The following SRRM5 variants were observed in gnomAD, a reference collection of about 807,000 sequenced individuals.
SRRM5 encodes serine/arginine repetitive matrix 5.
A neutral mutation model predicts 1.3 loss-of-function variants in SRRM5; 1 was observed. The observed-to-expected ratio is 0.76, with a 90% confidence interval of 0.27 to 3.59. The LOEUF (loss-of-function observed/expected upper bound fraction) is 3.59. Ranked by LOEUF, SRRM5 falls within the 30% of genes most tolerant of loss-of-function variation. The pLI, the probability that SRRM5 is intolerant of heterozygous loss-of-function variation, is 0.19. For synonymous variants in SRRM5, 275 were observed against 320.2 expected (o/e 0.86, Z 1.51); for missense variants, 875 against 914.5 (o/e 0.96, Z 0.56).
In SRRM5 at chr19:43,613,397, A is replaced by G; in HGVS notation, c.1276A>G (p.Ser426Gly). Residue 426 changes from serine (S) to glycine (G), a missense_variant, in exon 1 of 1, where the codon AGC (serine) becomes GGC (glycine). Coordinates refer to ENST00000417606, the MANE Select transcript of SRRM5 (RefSeq NM_001145641.2). Reference protein sequence around the residue: ...SRSPYKARDRSRSRSPNKARD... With the variant: ...SRSPYKARDRGRSRSPNKARD... ...AAGTCCCTACAAGGCGAGAGATCGC[A>G]GCCGATCTAGAAGTCCCAACAAGGC... The G allele has an allele frequency of 6.5e-7, 1 of 1,530,840 alleles. No individual in the cohort carries two copies. The highest frequency in any genetic ancestry group is 8.8e-7 in the Non-Finnish European group (1 of 1,132,418). The allele number at this position is 1,530,840 out of a possible 1,614,324, so 94.8% of individuals were successfully genotyped here. A position where few individuals can be genotyped will look rare whatever the true frequency, so the allele number is the denominator to read the frequency against.
chr19:43,613,884 G>T lies in SRRM5; in HGVS notation c.1763G>T (p.Ser588Ile). Residue 588 changes from serine (S) to isoleucine (I), a missense_variant, in exon 1 of 1, where the codon AGC (serine) becomes ATC (isoleucine). By Grantham distance (142) the Ser-to-Ile change is moderately radical. Coordinates refer to ENST00000417606, the MANE Select transcript of SRRM5 (RefSeq NM_001145641.2). Reference sequence around the variant, plus strand: ...GAGCGCAGACAATCTAGAAGCTCCAGCGAGGAGAGAGATCACAGCCGATCT... The same window carrying T: ...GAGCGCAGACAATCTAGAAGCTCCATCGAGGAGAGAGATCACAGCCGATCT... ...ERERRQSRSS[S>I]EERDHSRSRS... The T allele has an allele frequency of 1.3e-6, 2 of 1,551,382 alleles. No individual in the cohort carries two copies. Among genetic ancestry groups the T allele is most frequent in the Non-Finnish European group, 1.7e-6 (2 of 1,146,898 alleles).
Position 43,613,705 on chromosome 19 carries a change from C to G in SRRM5, c.1584C>G (p.Ser528Arg), listed in dbSNP as rs1249123894. Residue 528 changes from serine (S) to arginine (R), a missense_variant, in exon 1 of 1, where the codon AGC (serine) becomes AGG (arginine). Coordinates refer to ENST00000417606, the MANE Select transcript of SRRM5 (RefSeq NM_001145641.2). ...ERDHRRSRSPSKERQRRQSRS... is the reference protein window; with the variant it reads ...ERDHRRSRSPRKERQRRQSRS... ...ATCACAGACGATCTAGAAGCCCCAG[C>G]AAGGAGAGACAGCGCAGACAATCTA... 6.4e-7 allele frequency: 1 copy of G among 1,551,322 alleles called. No homozygotes were observed. Among genetic ancestry groups the G allele is most frequent in the Non-Finnish European group, 8.7e-7 (1 of 1,146,896 alleles).
Position 43,613,714 on chromosome 19 carries a change from A to T in SRRM5, c.1593A>T (p.Arg531Ser). ...GATCTAGAAGCCCCAGCAAGGAGAG[A>T]CAGCGCAGACAATCTAGAAGCCCCA... The part of the protein sequence containing the change: ...HRRSRSPSKE[R>S]QRRQSRSPNK... The change falls in exon 1 of 1, where the codon AGA becomes AGT. Residue 531 changes from arginine (R) to serine (S), a missense_variant. Transcript: ENST00000417606. 6.4e-7 allele frequency: 1 copy of T among 1,551,480 alleles called. No homozygotes were observed.
rs1309705645 is a variant in SRRM5 at position 43,612,322 on chromosome 19, G to A, written c.201G>A (p.Ser67=). 1.1e-5 allele frequency: 17 copies of A among 1,551,386 alleles called. No homozygotes were observed. The highest frequency in any genetic ancestry group is 1.7e-4 in the Middle Eastern group (1 of 6,014). The part of the protein sequence containing the change: ...MSPSSSKSTK[S]TSTKRAPSNR... ...CAAGCAGTTCCAAGTCCACCAAATC[G>A]ACCAGTACAAAAAGAGCCCCTTCTA... The change falls in exon 1 of 1, where the codon TCG becomes TCA. Residue 67 remains serine (S), a synonymous_variant. Coordinates refer to ENST00000417606, the MANE Select transcript of SRRM5 (RefSeq NM_001145641.2). The surrounding 1 kb of genome is among the most constrained non-coding windows in gnomAD (Gnocchi z 4.2).
Position 43,613,599 on chromosome 19 carries a change from A to T in SRRM5, c.1478A>T (p.Lys493Ile), listed in dbSNP as rs764751051. The change falls in exon 1 of 1, where the codon AAA becomes ATA. Residue 493 changes from lysine (K) to isoleucine (I), a missense_variant. By Grantham distance (102) the Lys-to-Ile change is moderately radical (BLOSUM62 -3). Transcript: ENST00000417606. ...RDHSQLGSPSKERDHRRSRSP... is the reference protein window; with the variant it reads ...RDHSQLGSPSIERDHRRSRSP... ...CACAGCCAACTTGGAAGCCCCAGCA[A>T]AGAGAGAGATCACAGACGATCTAGA... 6.5e-7 allele frequency: 1 copy of T among 1,550,316 alleles called. No homozygotes were observed. Among genetic ancestry groups the T allele is most frequent in the South Asian group, 1.2e-5 (1 of 83,922 alleles).
rs1973347287 is a variant in SRRM5, at chr19:43,614,175, C to A, written c.2054C>A (p.Thr685Asn). Residue 685 changes from threonine to asparagine, a missense_variant, in exon 1 of 1, where the codon ACC (threonine) becomes AAC (asparagine). Thr to Asn is a moderately conservative substitution (Grantham distance 65). Transcript: ENST00000417606. ...SPSTFPSGGQ[T>N]LSQDDSQADA... is the part of the protein sequence containing the mutation. The stretch of plus-strand genomic sequence containing the variant: ...TCAACATTTCCCAGTGGGGGCCAAA[C>A]CCTAAGCCAGGATGACAGTCAAGCC... The A allele has an allele frequency of 6.2e-7, 1 of 1,614,176 alleles. No homozygotes were observed. Among genetic ancestry groups the A allele is most frequent in the Non-Finnish European group, 8.5e-7 (1 of 1,180,014 alleles).
rs532462200 is a variant in SRRM5, at chr19:43,612,882, A to G, written c.761A>G (p.Glu254Gly). 17 of 1,551,702 alleles carry G rather than the reference A, an allele frequency of 1.1e-5. No individual in the cohort carries two copies. The East Asian group carries it at 1.7e-4, about 16-fold the overall frequency. Reference protein sequence around the residue: ...SYGQMIIPSREKSYSPTEMSS... With the variant: ...SYGQMIIPSRGKSYSPTEMSS... ...GGTCAGATGATCATCCCCAGTAGGG[A>G]AAAGAGTTACAGCCCCACTGAAATG... Residue 254 changes from glutamate to glycine, a missense_variant, in exon 1 of 1, where the codon GAA (glutamate) becomes GGA (glycine). Glu to Gly is a moderately conservative substitution (Grantham distance 98, BLOSUM62 -2). Coordinates refer to ENST00000417606, the MANE Select transcript of SRRM5 (RefSeq NM_001145641.2). The surrounding 1 kb of genome is among the most constrained non-coding windows in gnomAD (Gnocchi z 4.2).
rs1295809831 is a variant in SRRM5, at chr19:43,613,045, G to A, written c.924G>A (p.Lys308=). The change falls in exon 1 of 1, where the codon AAG becomes AAA. Residue 308 remains lysine (K), a synonymous_variant. Coordinates refer to ENST00000417606, the MANE Select transcript of SRRM5 (RefSeq NM_001145641.2). ...THSRVRSHSW[K]RNHSRARSRT... ...GCAGAGTGAGAAGTCACAGTTGGAA[G>A]AGAAACCATAGCAGGGCAAGAAGTC... 3.2e-6 allele frequency: 5 copies of A among 1,551,490 alleles called. No homozygotes were observed. The East Asian group carries it at 1.2e-4, about 38-fold the overall frequency.
At position 43,614,234 on chromosome 19, in the gene SRRM5, G is replaced by A. The variant is rs768720933; in HGVS notation, c.2113G>A (p.Glu705Lys). ...CACCTCTAAGGCCACCTTACCTGGG[G>A]AAAGGTCTTCATCATCTTCTTCCAA... The part of the protein sequence containing the change: ...ATTSKATLPG[E>K]RSSSSSSKLA The change falls in exon 1 of 1, where the codon GAA (glutamate) becomes AAA (lysine). Residue 705 changes from glutamate to lysine, a missense_variant. By Grantham distance (56) the Glu-to-Lys change is moderately conservative. Coordinates refer to ENST00000417606, the MANE Select transcript of SRRM5 (RefSeq NM_001145641.2). 10 of 1,614,076 alleles carry A rather than the reference G, an allele frequency of 6.2e-6. No individual in the cohort carries two copies. The African/African-American group carries it at 1.3e-4, about 22-fold the overall frequency.
rs751797159 is a variant in SRRM5 at position 43,613,759 on chromosome 19, C to A, written c.1638C>A (p.Ser546Arg). ...SRSPNKERDR[S>R]QSRSPSEERE... Reference sequence around the variant, plus strand: ...GCCCCAACAAGGAGAGAGATCGCAGCCAATCTAGAAGCCCCAGCGAGGAGA... The same window carrying A: ...GCCCCAACAAGGAGAGAGATCGCAGACAATCTAGAAGCCCCAGCGAGGAGA... Residue 546 changes from serine (S) to arginine (R), a missense_variant, in exon 1 of 1, where the codon AGC becomes AGA. By Grantham distance (110) the Ser-to-Arg change is moderately radical. Coordinates refer to ENST00000417606, the MANE Select transcript of SRRM5 (RefSeq NM_001145641.2). 6.5e-7 allele frequency: 1 copy of A among 1,550,376 alleles called. No individual in the cohort carries two copies. Among genetic ancestry groups the A allele is most frequent in the South Asian group, 1.2e-5 (1 of 83,978 alleles).
Position 43,614,112 on chromosome 19 carries a change from A to G in SRRM5, c.1991A>G (p.Gln664Arg), listed in dbSNP as rs752354487. The G allele has an allele frequency of 6.3e-7, 1 of 1,594,558 alleles. No homozygotes were observed. The highest frequency in any genetic ancestry group is 1.8e-5 in the Admixed American group (1 of 55,830). The change falls in exon 1 of 1, where the codon CAG becomes CGG. Residue 664 changes from glutamine to arginine, a missense_variant. Coordinates refer to ENST00000417606, the MANE Select transcript of SRRM5 (RefSeq NM_001145641.2). ...RSPTRTSSLS[Q>R]NRTPSKTSSH... Reference sequence around the variant, plus strand: ...CCTACTAGGACAAGCAGTCTCAGTCAGAATAGAACCCCTAGCAAGACAAGC... The same window carrying G: ...CCTACTAGGACAAGCAGTCTCAGTCGGAATAGAACCCCTAGCAAGACAAGC...
Position 43,613,900 on chromosome 19 carries a change from C to T in SRRM5, c.1779C>T (p.His593=), listed in dbSNP as rs1230902904. 6.4e-7 allele frequency: 1 copy of T among 1,551,668 alleles called. No homozygotes were observed. Among genetic ancestry groups the T allele is most frequent in the African/African-American group, 1.4e-5 (1 of 73,150 alleles). ...GAAGCTCCAGCGAGGAGAGAGATCACAGCCGATCTAGAAGCCCCAATAAGC... is the reference window on the plus strand; with the variant it reads ...GAAGCTCCAGCGAGGAGAGAGATCATAGCCGATCTAGAAGCCCCAATAAGC... ...QSRSSSEERD[H]SRSRSPNKQS... is the part of the protein sequence containing the mutation. Residue 593 remains histidine, a synonymous_variant, in exon 1 of 1, where the codon CAC becomes CAT. Coordinates refer to ENST00000417606, the MANE Select transcript of SRRM5 (RefSeq NM_001145641.2).
chr19:43,614,391 C>T lies in SRRM5; in HGVS notation c.*122C>T. 1 of 1,505,396 alleles carries T rather than the reference C, an allele frequency of 6.6e-7. No individual in the cohort carries two copies. Among genetic ancestry groups the T allele is most frequent in the Non-Finnish European group, 8.8e-7 (1 of 1,132,188 alleles). The allele number at this position is 1,505,396 out of a possible 1,614,324, so 93.3% of individuals were successfully genotyped here. A position where few individuals can be genotyped will look rare whatever the true frequency, so the allele number is the denominator to read the frequency against. On this transcript the variant is annotated 3_prime_UTR_variant, in exon 1 of 1. Coordinates refer to ENST00000417606, the MANE Select transcript of SRRM5 (RefSeq NM_001145641.2). ...CAGCTCTCCACAGCCACACCTCCGGCCACAAGTTCTCTAATACAGGATGTT... is the reference window on the plus strand; with the variant it reads ...CAGCTCTCCACAGCCACACCTCCGGTCACAAGTTCTCTAATACAGGATGTT...
At position 43,613,637 on chromosome 19, in the gene SRRM5, G is replaced by C. The variant is rs1037957980; in HGVS notation, c.1516G>C (p.Glu506Gln). The C allele has an allele frequency of 4.5e-6, 7 of 1,548,762 alleles. No individual in the cohort carries two copies. The East Asian group carries it at 9.8e-5, about 22-fold the overall frequency. The change falls in exon 1 of 1, where the codon GAG becomes CAG. Residue 506 changes from glutamate (E) to glutamine (Q), a missense_variant. Physicochemically the swap from Glu to Gln is conservative, Grantham distance 29 (BLOSUM62 2). Transcript: ENST00000417606. ...DHRRSRSPSK[E>Q]RQCRQSRSSS... is the part of the protein sequence containing the mutation. ...CAGACGATCTAGAAGCCCCAGCAAGGAGAGACAGTGCAGACAATCTAGAAG... is the reference window on the plus strand; with the variant it reads ...CAGACGATCTAGAAGCCCCAGCAAGCAGAGACAGTGCAGACAATCTAGAAG...
Position 43,613,104 on chromosome 19 carries a change from GAC to G in SRRM5, c.987_988del (p.His329GlnfsTer4). The G allele has an allele frequency of 6.4e-7, 1 of 1,551,624 alleles. No homozygotes were observed. The highest frequency in any genetic ancestry group is 8.7e-7 in the Non-Finnish European group (1 of 1,146,992). On this transcript the variant is annotated frameshift_variant, in exon 3 of 3. Transcript: ENST00000607544. LOFTEE classifies it low-confidence loss of function (END_TRUNC). ...AAGGGAATTCTGAGCCAGATGGGAA[GAC>G]ACAGCCAGTCTAGAAGCCACAGCAA...
Position 43,613,544 on chromosome 19 carries a change from C to A in SRRM5, c.1423C>A (p.Arg475=), listed in dbSNP as rs184949308. ...TCCCAACAAGGCGAGAGATCGCAGC[C>A]GATCTAGAAGCCCCAGCAAGGAAAG... is the stretch of plus-strand genomic sequence containing the variant. ...RSPNKARDRS[R]SRSPSKERDH... is the part of the protein sequence containing the mutation. The change falls in exon 1 of 1, where the codon CGA becomes AGA. Residue 475 remains arginine (R), a synonymous_variant. Coordinates refer to ENST00000417606, the MANE Select transcript of SRRM5 (RefSeq NM_001145641.2). 3 of 1,551,138 alleles carry A rather than the reference C, an allele frequency of 1.9e-6. No homozygotes were observed. Among genetic ancestry groups the A allele is most frequent in the Non-Finnish European group, 2.6e-6 (3 of 1,146,888 alleles).
Position 43,612,605 on chromosome 19 carries a change from A to G in SRRM5, c.484A>G (p.Thr162Ala). ...CATGGCCAGCAGGGTGAGAACTCCC[A>G]CTTCACAGCAAAAAGGGAGCCGGGG... is the stretch of plus-strand genomic sequence containing the variant. Reference protein sequence around the residue: ...PGMASRVRTPTSQQKGSRGKS... With the variant: ...PGMASRVRTPASQQKGSRGKS... Residue 162 changes from threonine (T) to alanine (A), a missense_variant, in exon 1 of 1, where the codon ACT (threonine) becomes GCT (alanine). Transcript: ENST00000417606. This position sits in a 1 kb window ranked among gnomAD's most constrained non-coding sequence, Gnocchi z 4.2. The G allele has an allele frequency of 6.4e-7, 1 of 1,551,600 alleles. No individual in the cohort carries two copies. The highest frequency in any genetic ancestry group is 2.0e-5 in the Admixed American group (1 of 51,004).
Position 43,613,975 on chromosome 19 carries a change from C to T in SRRM5, c.1854C>T (p.Ser618=). 2 of 1,551,612 alleles carry T rather than the reference C, an allele frequency of 1.3e-6. No homozygotes were observed. The highest frequency in any genetic ancestry group is 1.7e-6 in the Non-Finnish European group (2 of 1,146,970). The change falls in exon 1 of 1, where the codon AGC becomes AGT. Residue 618 remains serine, a synonymous_variant. Coordinates refer to ENST00000417606, the MANE Select transcript of SRRM5 (RefSeq NM_001145641.2). ...PRASSKEKAH[S]RSRTPSKEGN... ...CCTCCAGCAAGGAGAAAGCTCATAG[C>T]CGATCTAGAACCCCCAGCAAAGAAG...
rs1365285592 is a variant in SRRM5 at position 43,612,755 on chromosome 19, G to A, written c.634G>A (p.Val212Ile). Residue 212 changes from valine to isoleucine, a missense_variant, in exon 1 of 1, where the codon GTA (valine) becomes ATA (isoleucine). Transcript: ENST00000417606. This position sits in a 1 kb window ranked among gnomAD's most constrained non-coding sequence, Gnocchi z 4.2. ...TATAGGGAGGAGTTCCGAGCTGGCTGTAACTCCCAGTACAGCCAAGTGTCA... is the reference window on the plus strand; with the variant it reads ...TATAGGGAGGAGTTCCGAGCTGGCTATAACTCCCAGTACAGCCAAGTGTCA... ...SGIGRSSELA[V>I]TPSTAKCQTP... 12 of 1,551,506 alleles carry A rather than the reference G, an allele frequency of 7.7e-6. No homozygotes were observed. The highest frequency in any genetic ancestry group is 9.6e-6 in the Non-Finnish European group (11 of 1,146,988).
Sources: allele counts gnomAD v4.1 joint callset, GRCh38; gene constraint gnomAD v4.1.1; non-coding constraint Gnocchi (gnomAD v3.1); transcripts MANE v1.5; gene names NCBI Gene and HGNC (gene_info 2026-07-23, HGNC 2026-07-21).